Variants in CEP112 observed in about 807,000 individuals in gnomAD.
CEP112 encodes the protein centrosomal protein of 112 kDa.
A neutral mutation model predicts 153.0 loss-of-function variants in CEP112; 127 were observed. The observed-to-expected ratio is 0.83, with a 90% CI of 0.72 to 0.96. CEP112 has a LOEUF of 0.96. CEP112 is among the 40% of genes least tolerant of loss of function. The probability of loss-of-function intolerance (pLI) is 0.00; values close to 1 mark genes in which losing one functional copy is unlikely to be tolerated. For missense variants in CEP112, 1,089 were observed against 1,101.2 expected (o/e 0.99, Z 0.16); for synonymous variants, 358 against 374.4 (o/e 0.96, Z 0.51).
intron 8 of CEP112, among the ~76,000 whole-genome samples, chr17:66,082,488 G>A (rs891813669): frequency 2.6e-5 from 4 of 152,190 alleles, no homozygotes; most frequent in Non-Finnish European, 5.9e-5. Flanking sequence ...TGTGGGTCAG[G>A]TGCGGTGCCT....
chr17:65,852,126 T>C (rs985739663), intron 20 of CEP112, 92 bp from the exon 21 acceptor site: 11 of 778,076 alleles, frequency 1.4e-5, no homozygotes, highest in Non-Finnish European at 1.8e-5. Flanking sequence ...AAATGAAATA[T>C]GAACATATGG....
Position 65,794,142 on chromosome 17 carries a change from G to A in CEP112, c.2395-43418C>T, listed in dbSNP as rs1172761494. Among the ~76,000 whole-genome samples the A allele has an allele frequency of 5.9e-5, 9 of 152,272 alleles. No homozygotes were observed. The South Asian group carries it at 8.3e-4, about 14-fold the overall frequency. ...TCTGTTGTCATAGAAGTTACACTCCGATGGGGAGTAATAAAAAGCTGTATT... is the reference window on the plus strand; with the variant it reads ...TCTGTTGTCATAGAAGTTACACTCCAATGGGGAGTAATAAAAAGCTGTATT... On this transcript the variant is annotated intron_variant, in intron 21 of 26. Coordinates refer to ENST00000535342, the MANE Select transcript of CEP112 (RefSeq NM_001199165.4).
chr17:66,109,299 C>T (rs559317253), intron 6 of CEP112, among the ~76,000 whole-genome samples: 90 of 152,026 alleles, frequency 5.9e-4, no homozygotes, highest in Non-Finnish European at 1.1e-3. Flanking sequence ...AATGAAGGAT[C>T]GATGTTTGAG....
intron 6 of CEP112, among the ~76,000 whole-genome samples, chr17:66,111,256 T>C (rs143634158): frequency 9.2e-5 from 14 of 152,288 alleles, no homozygotes; most frequent in Middle Eastern, 3.4e-3. Flanking sequence ...ACGCTGTTGA[T>C]AGGAATGCAA....
chr17:65,709,083 C>G (rs773164963), intron 23 of CEP112, among the ~76,000 whole-genome samples: 23 of 152,156 alleles, frequency 1.5e-4, no homozygotes, highest in Non-Finnish European at 3.4e-4. Flanking sequence ...GAATACTCCT[C>G]TTCACTCTCA....
intron 12 of CEP112, among the ~76,000 whole-genome samples, chr17:66,051,976 T>C (rs2066461481): frequency 6.6e-6 from 1 of 152,228 alleles, no homozygotes; most frequent in South Asian, 2.1e-4. Context: ...CTTAGATGTG[T>C]TCAGAACATT....
At chr17:65,944,117 C>G (rs1016038561) in intron 18 of CEP112, among the ~76,000 whole-genome samples, 3 of 152,258 alleles carry the variant, frequency 2.0e-5, no homozygotes, top group Non-Finnish European at 4.4e-5. Flanking sequence ...AACAGAAAAC[C>G]AAACACTGCA....
intron 24 of CEP112, among the ~76,000 whole-genome samples, chr17:65,659,378 C>A (rs909207683): frequency 3.3e-5 from 5 of 152,164 alleles, no homozygotes; most frequent in South Asian, 2.1e-4. Context: ...ATAATCTAAA[C>A]CTCTCCCTCA....
chr17:65,664,463 T>C (rs1346292795), intron 24 of CEP112, among the ~76,000 whole-genome samples: 2 of 152,196 alleles, frequency 1.3e-5, no homozygotes, highest in Non-Finnish European at 2.9e-5. Flanking sequence ...GGGAATAACA[T>C]GATGACAATG....
intron 24 of CEP112, among the ~76,000 whole-genome samples, chr17:65,685,452 T>C (rs1300245212): frequency 6.6e-6 from 1 of 152,138 alleles, no homozygotes; most frequent in Admixed American, 6.5e-5. Flanking sequence ...AGGATAACAA[T>C]ATTTGCTTGA....
At position 65,700,557 on chromosome 17, in the gene CEP112, C is replaced by T. The variant is rs114287247; in HGVS notation, c.2608-11339G>A. ...GACCTGCAATGCTTGTTGGCTACAC[C>T]GAAGGCATGGCCAAGCAGAGGGGTG... is the stretch of plus-strand genomic sequence containing the variant. On this transcript the variant is annotated intron_variant, in intron 23 of 26. Coordinates refer to ENST00000535342, the MANE Select transcript of CEP112 (RefSeq NM_001199165.4). Among the ~76,000 whole-genome samples the T allele has an allele frequency of 2.6e-3, 391 of 152,130 alleles. 5 individuals carry two copies. The highest frequency in any genetic ancestry group is 6.2e-3 in the African/African-American group (256 of 41,492).
chr17:65,929,648 T>C (rs1435150720), intron 18 of CEP112, among the ~76,000 whole-genome samples: 1 of 151,796 alleles, frequency 6.6e-6, no homozygotes, highest in Non-Finnish European at 1.5e-5. Context: ...TTGTAATGTC[T>C]CTCCTGCAGT....
chr17:66,020,380 A>G (rs2064955006), intron 16 of CEP112, among the ~76,000 whole-genome samples: 1 of 152,190 alleles, frequency 6.6e-6, no homozygotes, highest in Non-Finnish European at 1.5e-5. Context: ...GTGTTGCTAG[A>G]AACACTTTTC....
At chr17:65,881,041 C>T (rs1315237862) in intron 20 of CEP112, among the ~76,000 whole-genome samples, 1 of 152,064 alleles carries the variant, frequency 6.6e-6, no homozygotes, top group African/African-American at 2.4e-5. Flanking sequence ...GCAGTGAAAC[C>T]CTGTCTCTAC....
At chr17:66,053,502 A>AAATAAT (rs3056815) in intron 12 of CEP112, among the ~76,000 whole-genome samples, 4 of 151,378 alleles carry the variant, frequency 2.6e-5, no homozygotes, top group South Asian at 4.2e-4. Context: ...ATAAAAGTAA[A>AAATAAT]AATAATAATA....
At chr17:65,861,506 A>G (rs2058307961) in intron 20 of CEP112, among the ~76,000 whole-genome samples, 1 of 152,220 alleles carries the variant, frequency 6.6e-6, no homozygotes, top group South Asian at 2.1e-4. Flanking sequence ...AACATATGTA[A>G]CTTACAAAAG....
At chr17:65,929,195 G>C (rs2061037175) in intron 18 of CEP112, among the ~76,000 whole-genome samples, 1 of 152,120 alleles carries the variant, frequency 6.6e-6, no homozygotes, top group African/African-American at 2.4e-5. Context: ...TGAATTGTTG[G>C]TATGTGAATT....
intron 4 of CEP112, among the ~76,000 whole-genome samples, chr17:66,171,258 G>A (rs898995962): frequency 6.6e-6 from 1 of 152,102 alleles, no homozygotes; most frequent in East Asian, 1.9e-4. Context: ...CATACAAAAA[G>A]GTCTAAGTAA....
At chr17:66,097,097 C>A (rs976661847) in intron 6 of CEP112, among the ~76,000 whole-genome samples, 2 of 152,318 alleles carry the variant, frequency 1.3e-5, no homozygotes, top group Non-Finnish European at 2.9e-5. Context: ...ACATACCTTT[C>A]TAATAGCAAA....
Sources: allele counts gnomAD v4.1 joint callset (sites outside exome capture counted in the v4.1 genomes callset), GRCh38; gene constraint gnomAD v4.1.1; transcripts MANE v1.5; gene names NCBI Gene and HGNC (gene_info 2026-07-23, HGNC 2026-07-21).